BAZ2B: variants seen among roughly 807,000 people sequenced by gnomAD.
BAZ2B encodes bromodomain adjacent to zinc finger domain 2B.
BAZ2B carries 91 observed loss-of-function variants against 246.0 expected under a neutral mutation model. The ratio of observed to expected loss-of-function variants is 0.37; its 90% CI spans 0.31 to 0.44. The LOEUF is 0.44. Among genes scored for constraint, BAZ2B ranks in the 20% least tolerant of loss-of-function variants. The pLI is 1.00. For synonymous variants in BAZ2B, 855 were observed against 860.0 expected (o/e 0.99, Z 0.10); for missense variants, 2,332 against 2,533.7 (o/e 0.92, Z 1.71).
rs969143524 is a variant in BAZ2B at position 159,438,618 on chromosome 2, G to C, written c.978C>G (p.His326Gln). ...ATTCAGACGCAAGAGGTAATGGCTGGTGTATTCTTTTTTCCTGGGCTTTTT... is the reference window on the plus strand; with the variant it reads ...ATTCAGACGCAAGAGGTAATGGCTGCTGTATTCTTTTTTCCTGGGCTTTTT... Reference protein sequence around the residue: ...ATEKAQEKRIHQPLPLASESQ... With the variant: ...ATEKAQEKRIQQPLPLASESQ... Residue 326 changes from histidine (H) to glutamine (Q), a missense_variant, in exon 8 of 37, where the codon CAC becomes CAG. Physicochemically the swap from His to Gln is conservative, Grantham distance 24. Coordinates refer to ENST00000392783, the MANE Select transcript of BAZ2B (RefSeq NM_013450.4). 2 of 1,613,920 alleles carry C rather than the reference G, an allele frequency of 1.2e-6. No individual in the cohort carries two copies. The highest frequency in any genetic ancestry group is 1.3e-5 in the African/African-American group (1 of 74,900).
chr2:159,521,995 T>C (rs2084185885), intron 2 of BAZ2B, among the ~76,000 whole-genome samples: 1 of 152,058 alleles, frequency 6.6e-6, no homozygotes, highest in Non-Finnish European at 1.5e-5. Context: ...TGACTACTGA[T>C]AATTATTAAA....
rs753499086 is a variant in BAZ2B at position 159,389,316 on chromosome 2, T to C, written c.3216+29A>G. 8.5e-6 allele frequency: 13 copies of C among 1,531,418 alleles called. No homozygotes were observed. The African/African-American group carries it at 1.3e-4, about 15-fold the overall frequency. 94.9% of individuals were successfully genotyped at this position (1,531,418 alleles called of 1,614,324 possible). On this transcript the variant is annotated intron_variant, in intron 21 of 36. Coordinates refer to ENST00000392783, the MANE Select transcript of BAZ2B (RefSeq NM_013450.4). ...AAACTGGAAAAATTAAACTTATGAA[T>C]GAAATGGTGTACATGACGTATAAAT...
chr2:159,386,710 C>G, intron 21 of BAZ2B, 103 bp from the exon 22 acceptor site: 1 of 1,318,776 alleles, frequency 7.6e-7, no homozygotes, highest in Non-Finnish European at 1.0e-6. Context: ...CTTTTTTCCC[C>G]TCTTGTATTG....
the BAZ2B span, among the ~76,000 whole-genome samples, chr2:159,674,067 A>G: frequency 6.6e-6 from 1 of 152,078 alleles, no homozygotes; most frequent in East Asian, 1.9e-4. Context: ...GGCACGTCAG[A>G]TGCAGTGGCT....
chr2:159,405,280 C>T (rs374402299), intron 14 of BAZ2B, among the ~76,000 whole-genome samples, 166 bp from the exon 15 acceptor site: 103 of 152,122 alleles, frequency 6.8e-4, no homozygotes, highest in African/African-American at 2.2e-3. Flanking sequence ...GGTGCGATCG[C>T]GGCTCACTGC....
At chr2:159,432,665 C>A in intron 9 of BAZ2B, 92 bp downstream of exon 9, 3 of 1,470,718 alleles carry the variant, frequency 2.0e-6, no homozygotes, top group Non-Finnish European at 2.7e-6. Context: ...TAGTAAATGA[C>A]GCTGATTTTA....
the BAZ2B span, among the ~76,000 whole-genome samples, chr2:159,679,011 G>A: frequency 1.3e-5 from 2 of 152,140 alleles, no homozygotes; most frequent in African/African-American, 2.4e-5. Flanking sequence ...GGTGGCTCAC[G>A]CCTGTAATCC....
At chr2:159,627,145 A>T in the BAZ2B span, among the ~76,000 whole-genome samples, 1 of 152,160 alleles carries the variant, frequency 6.6e-6, no homozygotes, top group East Asian at 1.9e-4. Flanking sequence ...GAATAGACCA[A>T]TAACAAGTTT....
chr2:159,367,164 A>T (rs748255222), intron 27 of BAZ2B, among the ~76,000 whole-genome samples: 1 of 152,194 alleles, frequency 6.6e-6, no homozygotes, highest in Non-Finnish European at 1.5e-5. Context: ...TGTTTCTTAG[A>T]ATAATGAAGG....
chr2:159,471,085 T>C (rs1185469260), intron 3 of BAZ2B, among the ~76,000 whole-genome samples: 3 of 151,778 alleles, frequency 2.0e-5, no homozygotes. Context: ...ATGAGTAGTA[T>C]AATGGAAGCT....
rs896957902 is a variant in BAZ2B at position 159,350,345 on chromosome 2, A to G, written c.4226T>C (p.Ile1409Thr). ...GMESGEGLEE[I>T]AKEREKLKKA... ...TTTCAGTTTTTCTCTTTCTTTTGCA[A>G]TTTCTTCTAGTCCTACAAAATGAAA... is the stretch of plus-strand genomic sequence containing the variant. Residue 1409 changes from isoleucine (I) to threonine (T), a missense_variant, in exon 28 of 37, where the codon ATT becomes ACT. This residue lies in a region of BAZ2B where 676 missense variants were observed against 668.6 expected (regional missense o/e 1.01). Coordinates refer to ENST00000392783, the MANE Select transcript of BAZ2B (RefSeq NM_013450.4). The G allele has an allele frequency of 1.9e-6, 3 of 1,550,360 alleles. No individual in the cohort carries two copies. The African/African-American group carries it at 4.1e-5, about 21-fold the overall frequency.
At chr2:159,358,699 C>A (rs898716040) in intron 27 of BAZ2B, among the ~76,000 whole-genome samples, 20 of 152,060 alleles carry the variant, frequency 1.3e-4, no homozygotes, top group Non-Finnish European at 2.6e-4. Context: ...CAAAATTGAC[C>A]ACATAATTGG....
At chr2:159,590,683 C>T (rs1689195061) in intron 1 of BAZ2B, among the ~76,000 whole-genome samples, 1 of 152,138 alleles carries the variant, frequency 6.6e-6, no homozygotes, top group African/African-American at 2.4e-5. Flanking sequence ...GACGCTTTAA[C>T]TCAGGGTCCT....
intron 1 of BAZ2B, among the ~76,000 whole-genome samples, chr2:159,609,243 T>C (rs1694182930): frequency 6.6e-6 from 1 of 152,212 alleles, no homozygotes; most frequent in African/African-American, 2.4e-5. Flanking sequence ...CTGTGCTTAA[T>C]ACTCCAGAAG....
chr2:159,706,976 G>A, the BAZ2B span, among the ~76,000 whole-genome samples: 44 of 152,210 alleles, frequency 2.9e-4, no homozygotes, highest in African/African-American at 1.0e-3. Flanking sequence ...CATCAACTCT[G>A]GTCTTAGTTT....
intron 1 of BAZ2B, among the ~76,000 whole-genome samples, chr2:159,598,271 C>T (rs887120475): frequency 5.3e-5 from 8 of 152,034 alleles, no homozygotes; most frequent in Non-Finnish European, 1.0e-4. Context: ...GGACTACAGG[C>T]GTGAGCCACT....
chr2:159,624,941 G>A, the BAZ2B span, among the ~76,000 whole-genome samples: 3 of 152,052 alleles, frequency 2.0e-5, no homozygotes, highest in African/African-American at 7.2e-5. Context: ...TTGAAAAAAG[G>A]TTAGAGGAAC....
the BAZ2B span, among the ~76,000 whole-genome samples, chr2:159,643,894 A>G: frequency 1.3e-5 from 2 of 151,830 alleles, no homozygotes; most frequent in African/African-American, 2.4e-5. Context: ...AAAAAAAAAA[A>G]AAAAGTCTTA....
In BAZ2B at chr2:159,385,197, G is replaced by A; in HGVS notation, c.3644C>T (p.Ala1215Val). ...HTPAQKASVL[A>V]FLINELACSK... Reference sequence around the variant, plus strand: ...GCATGCCAGTTCATTGATCAGGAAAGCCAGGACTGAAGCTTTCTGTGCTGG... The same window carrying A: ...GCATGCCAGTTCATTGATCAGGAAAACCAGGACTGAAGCTTTCTGTGCTGG... The change falls in exon 23 of 37, where the codon GCT becomes GTT. Residue 1215 changes from alanine (A) to valine (V), a missense_variant. Around this residue, in one of 9 missense-constraint regions of BAZ2B, gnomAD observed 328 missense variants for 410.4 expected, o/e 0.80. Coordinates refer to ENST00000392783, the MANE Select transcript of BAZ2B (RefSeq NM_013450.4). 6.2e-7 allele frequency: 1 copy of A among 1,613,570 alleles called. No homozygotes were observed. The highest frequency in any genetic ancestry group is 8.5e-7 in the Non-Finnish European group (1 of 1,179,632).
Sources: gnomAD v4.1 joint callset for allele counts (sites outside exome capture counted in the v4.1 genomes callset) on GRCh38, gnomAD v4.1.1 for gene constraint, gnomAD v4.1.1 regional missense constraint, MANE v1.5 for transcripts, NCBI Gene and HGNC (gene_info 2026-07-23, HGNC 2026-07-21) for gene names.